The following C11orf65 variants were observed in gnomAD, a reference collection of about 807,000 sequenced individuals.
C11orf65 encodes the protein protein MFI.
Under a neutral mutation model 35.3 loss-of-function variants are expected in C11orf65, and 38 were observed. The ratio of observed to expected loss-of-function variants is 1.08; its 90% CI spans 0.83 to 1.41. The LOEUF is 1.41. C11orf65 is among the 40% of genes most tolerant of loss of function. C11orf65 has a pLI of 0.00. For missense variants in C11orf65, 370 were observed against 367.1 expected (o/e 1.01, Z -0.06); for synonymous variants, 105 against 114.4 (o/e 0.92, Z 0.53).
At chr11:108,344,982 G>A (rs1213753348) in intron 2 of C11orf65, among the ~76,000 whole-genome samples, 3 of 151,878 alleles carry the variant, frequency 2.0e-5, no homozygotes, top group African/African-American at 7.3e-5. Flanking sequence ...CAGTCCAGGT[G>A]ACAGAGACCC....
chr11:108,407,615 C>T (rs1399681521), intron 3 of C11orf65, among the ~76,000 whole-genome samples: 1 of 151,264 alleles, frequency 6.6e-6, no homozygotes, highest in East Asian at 1.9e-4. Context: ...CCACTGTGCT[C>T]AGCCATTAAA....
chr11:108,388,570 T>C lies in C11orf65; in HGVS notation c.732-2595A>G, dbSNP rs148485209. ...TAGAAATCAAAGGAGCAGCTTCAGA[T>C]ATAGAAACTATCCATAACAGACATA... is the stretch of plus-strand genomic sequence containing the variant. On this transcript the variant is annotated intron_variant, in intron 7 of 8. Transcript: ENST00000393084. Among the ~76,000 whole-genome samples, 268 of 152,314 alleles carry C rather than the reference T, an allele frequency of 1.8e-3. 1 individual carries two copies. The highest frequency in any genetic ancestry group is 6.3e-3 in the African/African-American group (260 of 41,576).
At chr11:108,435,382 G>A (rs1302674693) in intron 2 of C11orf65, among the ~76,000 whole-genome samples, 1 of 152,042 alleles carries the variant, frequency 6.6e-6, no homozygotes, top group East Asian at 1.9e-4. Flanking sequence ...ATTCTTAGGA[G>A]AAAATGAGCT....
intron 7 of C11orf65, among the ~76,000 whole-genome samples, chr11:108,392,683 CT>C (rs1283454759): frequency 6.6e-6 from 1 of 152,152 alleles, no homozygotes; most frequent in African/African-American, 2.4e-5. Context: ...TATTATCTGT[CT>C]TTTTAATTAT....
At chr11:108,394,045 T>A (rs1024886217) in intron 6 of C11orf65, among the ~76,000 whole-genome samples, 14 of 151,674 alleles carry the variant, frequency 9.2e-5, no homozygotes, top group African/African-American at 1.2e-4. Context: ...CTGGGCATGG[T>A]GGCGGGCCCC....
chr11:108,342,187 C>T (rs1475428748), intron 2 of C11orf65, among the ~76,000 whole-genome samples: 2 of 152,022 alleles, frequency 1.3e-5, no homozygotes, highest in Admixed American at 6.6e-5. Flanking sequence ...CCAGGGAATC[C>T]AAAAGATTGG....
At chr11:108,334,865 T>G in intron 3 of C11orf65, 2 of 1,358,208 alleles carry the variant, frequency 1.5e-6, no homozygotes, top group Non-Finnish European at 2.1e-6. Context: ...CACATCGTCA[T>G]TTGTTTCTCT....
At chr11:108,452,086 T>C (rs936169004) in intron 2 of C11orf65, among the ~76,000 whole-genome samples, 6 of 151,816 alleles carry the variant, frequency 4.0e-5, no homozygotes, top group South Asian at 2.1e-4. Context: ...ATTCAGGACA[T>C]AGGCATGGGC....
chr11:108,319,564 T>C (rs1235196655), intron 6 of C11orf65, among the ~76,000 whole-genome samples: 4 of 152,250 alleles, frequency 2.6e-5, no homozygotes, highest in Admixed American at 6.5e-5. Flanking sequence ...ATTCTCTGCA[T>C]GTCCCTTGTT....
At chr11:108,424,736 T>C (rs1013959112) in intron 3 of C11orf65, among the ~76,000 whole-genome samples, 2 of 152,190 alleles carry the variant, frequency 1.3e-5, no homozygotes, top group African/African-American at 2.4e-5. Context: ...ATCGCACTTA[T>C]TCTAAATTGA....
chr11:108,341,972 T>C (rs942824132), intron 2 of C11orf65, among the ~76,000 whole-genome samples: 11 of 152,198 alleles, frequency 7.2e-5, no homozygotes, highest in Non-Finnish European at 4.4e-5. Context: ...CCTGGGTATA[T>C]ACCCTAGAGC....
intron 2 of C11orf65, among the ~76,000 whole-genome samples, chr11:108,433,979 T>C (rs1194705760): frequency 3.3e-5 from 5 of 152,126 alleles, no homozygotes; most frequent in African/African-American, 1.2e-4. Flanking sequence ...GGTTAGAAAA[T>C]TGGTGACAAG....
At chr11:108,408,699 A>AAAAT (rs1402138068) in intron 3 of C11orf65, among the ~76,000 whole-genome samples, 2 of 115,296 alleles carry the variant, frequency 1.7e-5, no homozygotes, top group African/African-American at 7.4e-5. Context: ...AAAATAAAAT[A>AAAAT]AAATAAAATA....
intron 2 of C11orf65, among the ~76,000 whole-genome samples, chr11:108,371,197 A>G (rs2091565280): frequency 1.3e-5 from 2 of 152,166 alleles, no homozygotes; most frequent in Non-Finnish European, 2.9e-5. Flanking sequence ...GTGTGTGTTC[A>G]TAGCCGGTAT....
rs1306604073 is a variant in C11orf65, at chr11:108,360,432, C to T, written c.227-25140G>A. Among the ~76,000 whole-genome samples, 1,308 of 137,872 alleles carry T rather than the reference C, an allele frequency of 9.5e-3. 23 individuals are homozygous for T. Among genetic ancestry groups the T allele is most frequent in the African/African-American group, 0.033 (1,225 of 36,958 alleles). The allele number at this position is 137,872 out of a possible 152,430, so 90.4% of individuals were successfully genotyped here. A position where few individuals can be genotyped will look rare whatever the true frequency, so the allele number is the denominator to read the frequency against. ...ATCAATAGAAAAAGAGGGAATCCTC[C>T]CTAACTCATTTTATGAGGCCAGCAT... On this transcript the variant is annotated intron_variant, in intron 2 of 3. Transcript: ENST00000524755.
chr11:108,425,374 A>T (rs1015666735), intron 3 of C11orf65, among the ~76,000 whole-genome samples: 1 of 152,238 alleles, frequency 6.6e-6, no homozygotes, highest in African/African-American at 2.4e-5. Flanking sequence ...ACACACCTCT[A>T]TGCAAATAAA....
intron 2 of C11orf65, among the ~76,000 whole-genome samples, chr11:108,361,936 A>G (rs1351383748): frequency 2.8e-5 from 4 of 144,590 alleles, no homozygotes; most frequent in African/African-American, 7.6e-5. Flanking sequence ...ACAAAAGCCA[A>G]AATTGACAAA....
At chr11:108,325,986 A>G (rs1264897617) in intron 6 of C11orf65, 1 of 308,000 alleles carries the variant, frequency 3.2e-6, no homozygotes, top group African/African-American at 2.8e-5. Flanking sequence ...TGCTGCTTTC[A>G]TTATTATTAT....
At chr11:108,448,653 C>T (rs1034181619) in intron 2 of C11orf65, among the ~76,000 whole-genome samples, 4 of 152,094 alleles carry the variant, frequency 2.6e-5, no homozygotes, top group Non-Finnish European at 5.9e-5. Flanking sequence ...TAAGAGATAT[C>T]TATGACAATC....
Sources: allele counts gnomAD v4.1 joint callset (sites outside exome capture counted in the v4.1 genomes callset), GRCh38; gene constraint gnomAD v4.1.1; transcripts MANE v1.5; gene names NCBI Gene and HGNC (gene_info 2026-07-23, HGNC 2026-07-21).